Variants in ARK2C observed in about 807,000 individuals in gnomAD.
The protein encoded by ARK2C is arkadia (RNF111) C-terminal like ring finger ubiquitin ligase 2C, also known as E3 ubiquitin-protein ligase ARK2C.
At chr18:46,399,809 G>T in the ARK2C span, among the ~76,000 whole-genome samples, 1 of 152,188 alleles carries the variant, frequency 6.6e-6, no homozygotes, top group Non-Finnish European at 1.5e-5. Context: ...CCCTCACCAG[G>T]CCCTGCTCTT....
chr18:46,375,147 C>A, the ARK2C span, among the ~76,000 whole-genome samples: 1 of 152,228 alleles, frequency 6.6e-6, no homozygotes, highest in South Asian at 2.1e-4. Flanking sequence ...CCAACTCCCC[C>A]CGCCCTCAGA....
At chr18:46,383,798 A>T in the ARK2C span, among the ~76,000 whole-genome samples, 2 of 151,556 alleles carry the variant, frequency 1.3e-5, no homozygotes. Context: ...TGATCCGCCC[A>T]CCTTGGCCTC....
the ARK2C span, among the ~76,000 whole-genome samples, chr18:46,439,981 C>A: frequency 6.6e-6 from 1 of 152,188 alleles, no homozygotes. Context: ...CAGGCGCACA[C>A]CCTACACCCA....
At chr18:46,442,183 G>T in the ARK2C span, among the ~76,000 whole-genome samples, 2 of 148,340 alleles carry the variant, frequency 1.3e-5, no homozygotes, top group African/African-American at 5.0e-5. Context: ...AAAAGAAAAA[G>T]AAAATAGCCT....
the ARK2C span, among the ~76,000 whole-genome samples, chr18:46,348,392 G>A: frequency 6.6e-6 from 1 of 152,202 alleles, no homozygotes; most frequent in Non-Finnish European, 1.5e-5. Context: ...GTTGCTGGTG[G>A]TTGATTGTCT....
the ARK2C span, among the ~76,000 whole-genome samples, chr18:46,392,461 G>A: frequency 6.6e-6 from 1 of 152,230 alleles, no homozygotes; most frequent in Non-Finnish European, 1.5e-5. Flanking sequence ...GGCGGGAATG[G>A]ACAAGAACTC....
At chr18:46,456,727 T>G in the ARK2C span, 2 of 890,584 alleles carry the variant, frequency 2.2e-6, no homozygotes, top group Admixed American at 3.5e-5. Context: ...TCTGAGCCAT[T>G]TGACGTAGAG....
the ARK2C span, among the ~76,000 whole-genome samples, chr18:46,396,362 C>T: frequency 3.3e-5 from 5 of 152,068 alleles, no homozygotes; most frequent in Non-Finnish European, 7.4e-5. Flanking sequence ...CGTGGCCCAT[C>T]AGTGAGAGAG....
At chr18:46,400,784 T>A in the ARK2C span, among the ~76,000 whole-genome samples, 3 of 152,182 alleles carry the variant, frequency 2.0e-5, no homozygotes, top group Non-Finnish European at 4.4e-5. Flanking sequence ...ACTGTGCTCC[T>A]AATGGCAAAA....
chr18:46,437,567 C>A, the ARK2C span, among the ~76,000 whole-genome samples: 1 of 151,756 alleles, frequency 6.6e-6, no homozygotes, highest in African/African-American at 2.4e-5. Context: ...TCGTCCACCC[C>A]CTGAGGTTAC....
chr18:46,443,493 T>C, the ARK2C span, among the ~76,000 whole-genome samples: 2 of 152,360 alleles, frequency 1.3e-5, no homozygotes, highest in East Asian at 3.9e-4. Context: ...TCTCTATGTA[T>C]GTACAATTAC....
the ARK2C span, among the ~76,000 whole-genome samples, chr18:46,436,868 A>G: frequency 2.6e-5 from 4 of 152,192 alleles, no homozygotes; most frequent in African/African-American, 9.7e-5. Flanking sequence ...ATTTAATTCA[A>G]TTCAGCACAC....
chr18:46,401,720 G>C, the ARK2C span, among the ~76,000 whole-genome samples: 1 of 152,230 alleles, frequency 6.6e-6, no homozygotes, highest in Non-Finnish European at 1.5e-5. Flanking sequence ...AGCCCCGTGA[G>C]GTTCAGGCTT....
At chr18:46,379,919 G>A in the ARK2C span, among the ~76,000 whole-genome samples, 8 of 152,324 alleles carry the variant, frequency 5.3e-5, no homozygotes, top group East Asian at 3.9e-4. Context: ...CCACTGGGAC[G>A]TTGCTGCCAG....
chr18:46,341,883 G>C, the ARK2C span, among the ~76,000 whole-genome samples: 1 of 152,150 alleles, frequency 6.6e-6, no homozygotes, highest in Non-Finnish European at 1.5e-5. Context: ...ACCCCAAAGT[G>C]GGCAAGTACC....
the ARK2C span, among the ~76,000 whole-genome samples, chr18:46,343,604 A>C: frequency 6.6e-6 from 1 of 152,208 alleles, no homozygotes; most frequent in South Asian, 2.1e-4. Context: ...GGTCTTGGCC[A>C]AGCCTGAGTA....
the ARK2C span, among the ~76,000 whole-genome samples, chr18:46,424,568 C>T: frequency 5.9e-5 from 9 of 152,280 alleles, no homozygotes; most frequent in East Asian, 5.8e-4. Context: ...ACCCTGGCGG[C>T]GGTACAACAC....
At chr18:46,436,738 A>G in the ARK2C span, among the ~76,000 whole-genome samples, 9 of 152,200 alleles carry the variant, frequency 5.9e-5, no homozygotes, top group Non-Finnish European at 1.0e-4. Flanking sequence ...ACAATTCCAT[A>G]AAAGATAGAT....
the ARK2C span, among the ~76,000 whole-genome samples, chr18:46,389,526 C>T: frequency 1.3e-5 from 2 of 152,158 alleles, no homozygotes; most frequent in Admixed American, 1.3e-4. Context: ...CAGAGACAGT[C>T]TCCCACCCCG....
Sources: allele counts gnomAD v4.1 joint callset (sites outside exome capture counted in the v4.1 genomes callset), GRCh38; gene constraint gnomAD v4.1.1; transcripts MANE v1.5; gene names NCBI Gene and HGNC (gene_info 2026-07-23, HGNC 2026-07-21).